Variants in KIF24 observed in about 807,000 individuals in gnomAD.
KIF24 encodes kinesin-like protein KIF24.
In KIF24, 81 loss-of-function variants were observed where a neutral mutation model predicts 118.9. The ratio of observed to expected loss-of-function variants is 0.68; its 90% CI spans 0.57 to 0.82. KIF24 has a LOEUF of 0.82. Ranked by LOEUF, KIF24 falls within the 40% of genes least tolerant of loss-of-function variation. The pLI is 0.00. For synonymous variants in KIF24, 599 were observed against 610.0 expected (o/e 0.98, Z 0.27); for missense variants, 1,560 against 1,661.6 (o/e 0.94, Z 1.06).
Position 34,259,667 on chromosome 9 carries a change from G to A in KIF24, c.1554C>T (p.Cys518=). 1.2e-6 allele frequency: 2 copies of A among 1,613,964 alleles called. No individual in the cohort carries two copies. The highest frequency in any genetic ancestry group is 2.2e-5 in the South Asian group (2 of 91,086). ...KDSFIGNAKT[C]MIANISPSHV... ...GGCTTGGTGAGATGTTGGCGATCAT[G>A]CAGGTTTTGGCATTGCCGATGAAAG... The change falls in exon 10 of 13, where the codon TGC becomes TGT. Residue 518 remains cysteine (C), a synonymous_variant. Transcript: ENST00000402558.
At chr9:34,273,118 T>A (rs540188789) in intron 6 of KIF24, among the ~76,000 whole-genome samples, 8 of 151,964 alleles carry the variant, frequency 5.3e-5, no homozygotes, top group African/African-American at 1.7e-4. Context: ...AAAATAAAGA[T>A]TTAAAACTGT....
intron 3 of KIF24, among the ~76,000 whole-genome samples, chr9:34,297,682 A>G (rs944722028): frequency 9.9e-5 from 15 of 151,986 alleles, no homozygotes; most frequent in Admixed American, 9.8e-4. Flanking sequence ...GAATGGCGTG[A>G]ACCCAGGAGG....
chr9:34,269,690 A>G (rs1268512435), intron 7 of KIF24, among the ~76,000 whole-genome samples: 1 of 150,454 alleles, frequency 6.6e-6, no homozygotes, highest in African/African-American at 2.4e-5. Flanking sequence ...AAGTGCTGGG[A>G]TTACAGGCAT....
At chr9:34,328,394 T>C (rs938087210) in intron 1 of KIF24, among the ~76,000 whole-genome samples, 1 of 151,940 alleles carries the variant, frequency 6.6e-6, no homozygotes, top group East Asian at 1.9e-4. Flanking sequence ...CTAAAAGGAG[T>C]CTAATAAAAT....
chr9:34,265,823 T>A (rs1835264085), intron 8 of KIF24, among the ~76,000 whole-genome samples: 1 of 152,118 alleles, frequency 6.6e-6, no homozygotes, highest in African/African-American at 2.4e-5. Flanking sequence ...TTTAAATAAA[T>A]TAAATAAAAA....
At chr9:34,268,845 G>T (rs562025695) in intron 8 of KIF24, among the ~76,000 whole-genome samples, 19 of 152,264 alleles carry the variant, frequency 1.2e-4, no homozygotes, top group African/African-American at 3.9e-4. Context: ...GGGGAGGGAA[G>T]GGGTTGCTTA....
chr9:34,256,757 C>T lies in KIF24; in HGVS notation c.2850G>A (p.Gln950=), dbSNP rs141218101. Residue 950 remains glutamine (Q), a synonymous_variant, in exon 11 of 13, where the codon CAG becomes CAA. Coordinates refer to ENST00000402558, the MANE Select transcript of KIF24 (RefSeq NM_194313.4). ...YCSQVDFIYR[Q]ERGGGSSFDL... ...CAAAGGAAGAGCCTCCACCTCTTTC[C>T]TGTCTATATATGAAATCTACCTGTG... The T allele has an allele frequency of 5.1e-4, 828 of 1,613,982 alleles. 3 individuals carry two copies. The African/African-American group carries it at 1.0e-2, about 19-fold the overall frequency.
At chr9:34,280,968 G>A (rs1266992973) in intron 6 of KIF24, among the ~76,000 whole-genome samples, 4 of 152,188 alleles carry the variant, frequency 2.6e-5, no homozygotes, top group Admixed American at 2.0e-4. Context: ...CCTAGTTTTA[G>A]GCAAATGATA....
upstream of KIF24, among the ~76,000 whole-genome samples, chr9:34,330,766 C>A: frequency 6.6e-6 from 1 of 152,016 alleles, no homozygotes; most frequent in Non-Finnish European, 1.5e-5. Context: ...TCGAGACCAT[C>A]CTGGCTGACA....
chr9:34,327,591 C>T (rs1333111211), intron 1 of KIF24, among the ~76,000 whole-genome samples: 1 of 151,990 alleles, frequency 6.6e-6, no homozygotes, highest in Non-Finnish European at 1.5e-5. Context: ...ATGGTAACTA[C>T]TACTTTCAGC....
At chr9:34,309,581 C>T (rs1343287398) in intron 2 of KIF24, among the ~76,000 whole-genome samples, 2 of 151,766 alleles carry the variant, frequency 1.3e-5, no homozygotes, top group Non-Finnish European at 2.9e-5. Flanking sequence ...ACTCCTTCAC[C>T]GCTGAGGTAA....
At chr9:34,319,765 G>C in intron 1 of KIF24, 2 of 598,672 alleles carry the variant, frequency 3.3e-6, no homozygotes, top group Non-Finnish European at 6.2e-6. Context: ...CTCCATGGGT[G>C]GGGGTGGACA....
At chr9:34,297,228 C>A in intron 3 of KIF24, 114 bp from the exon 4 acceptor site, 1 of 600,826 alleles carries the variant, frequency 1.7e-6, no homozygotes, top group Admixed American at 2.9e-5. Flanking sequence ...AGTAACTGAC[C>A]ATATCAAACT....
intron 1 of KIF24, among the ~76,000 whole-genome samples, chr9:34,320,096 G>A (rs1837464566): frequency 6.6e-6 from 1 of 152,106 alleles, no homozygotes; most frequent in African/African-American, 2.4e-5. Flanking sequence ...ACTAGGTGCT[G>A]CAGCCCCTGG....
intron 1 of KIF24, among the ~76,000 whole-genome samples, chr9:34,328,804 G>A (rs1837766566): frequency 1.3e-5 from 2 of 152,204 alleles, no homozygotes; most frequent in Admixed American, 1.3e-4. Context: ...TGCCCTAAAA[G>A]AGGTGCCGGT....
chr9:34,321,703 C>A (rs1384863471), intron 1 of KIF24, among the ~76,000 whole-genome samples: 1 of 149,570 alleles, frequency 6.7e-6, no homozygotes, highest in Non-Finnish European at 1.5e-5. Context: ...AACTCCTGGG[C>A]TCAACCAATC....
chr9:34,322,208 T>C (rs1837548189), intron 1 of KIF24, among the ~76,000 whole-genome samples: 1 of 152,174 alleles, frequency 6.6e-6, no homozygotes, highest in African/African-American at 2.4e-5. Context: ...GGCTGTCCCC[T>C]TTAGAAGGGC....
intron 12 of KIF24, 126 bp from the exon 13 acceptor site, chr9:34,254,646 T>G (rs1834749257): frequency 1.1e-6 from 1 of 929,276 alleles, no homozygotes; most frequent in South Asian, 1.5e-5. Context: ...CGGGAGAACA[T>G]GTAGGATAGT....
At chr9:34,259,526 C>G (rs1834976745) in intron 10 of KIF24, 70 bp downstream of exon 10, 2 of 1,134,976 alleles carry the variant, frequency 1.8e-6, no homozygotes, top group Admixed American at 3.4e-5. Context: ...CACACATGCT[C>G]ACACACGCGT....
Sources: allele counts gnomAD v4.1 joint callset (sites outside exome capture counted in the v4.1 genomes callset), GRCh38; gene constraint gnomAD v4.1.1; transcripts MANE v1.5; gene names NCBI Gene and HGNC (gene_info 2026-07-23, HGNC 2026-07-21).